The following WWP1 variants were observed in gnomAD, a reference collection of about 807,000 sequenced individuals.
The protein encoded by WWP1 is NEDD4-like E3 ubiquitin-protein ligase WWP1.
A neutral mutation model predicts 130.6 loss-of-function variants in WWP1; 49 were observed. The ratio of observed to expected loss-of-function variants is 0.38; its 90% confidence interval spans 0.30 to 0.48. The LOEUF (loss-of-function observed/expected upper bound fraction) is 0.48, where lower values mean the gene tolerates loss of function less well. Among genes scored for constraint, WWP1 ranks in the 20% least tolerant of loss-of-function variants. The probability of loss-of-function intolerance (pLI) is 0.99; values close to 1 mark genes in which losing one functional copy is unlikely to be tolerated. For synonymous variants in WWP1, 332 were observed against 367.8 expected (o/e 0.90, Z 1.11); for missense variants, 809 against 1,100.6 (o/e 0.74, Z 3.75).
At chr8:86,409,346 GC>G (rs1394185852) in intron 8 of WWP1, among the ~76,000 whole-genome samples, 1 of 143,636 alleles carries the variant, frequency 7.0e-6, no homozygotes, top group African/African-American at 2.6e-5. Context: ...CAATACTTCT[GC>G]CTCAGCCTCC....
At position 86,457,186 on chromosome 8, in the gene WWP1, T is replaced by A. The variant is rs535048375; in HGVS notation, c.2395-735T>A. On this transcript the variant is annotated intron_variant, in intron 21 of 24. Coordinates refer to ENST00000517970, the MANE Select transcript of WWP1 (RefSeq NM_007013.4). ...ACTAAGAGATTAAGTATTACATATTTTACTATACCTAAAATAATGTTCATT... is the reference window on the plus strand; with the variant it reads ...ACTAAGAGATTAAGTATTACATATTATACTATACCTAAAATAATGTTCATT... 7.6e-4 allele frequency among the ~76,000 whole-genome samples: 116 copies of A among 152,112 alleles called. 1 individual carries two copies. Among genetic ancestry groups the A allele is most frequent in the South Asian group, 2.7e-3 (13 of 4,826 alleles).
rs182026521 is a variant in WWP1, at chr8:86,344,059, G to A, written c.-115+1129G>A. 6.6e-4 allele frequency among the ~76,000 whole-genome samples: 100 copies of A among 152,120 alleles called. 1 individual carries two copies. The highest frequency in any genetic ancestry group is 2.3e-3 in the African/African-American group (97 of 41,492). ...ATACAAGCAAAATGCACCTTTTAAA[G>A]AAGAAAGTCGTTCTTTTATTGTGTG... On this transcript the variant is annotated intron_variant, in intron 1 of 24. Transcript: ENST00000517970.
At chr8:86,438,968 A>G (rs1810445929) in intron 17 of WWP1, among the ~76,000 whole-genome samples, 1 of 152,074 alleles carries the variant, frequency 6.6e-6, no homozygotes, top group Admixed American at 6.5e-5. Flanking sequence ...TTGTTTTTTT[A>G]TATAGTGTGG....
At chr8:86,423,760 G>C (rs1055188933) in intron 9 of WWP1, among the ~76,000 whole-genome samples, 1 of 151,304 alleles carries the variant, frequency 6.6e-6, no homozygotes, top group Non-Finnish European at 1.5e-5. Context: ...ACGGGGTGGC[G>C]GCCGGGCAGA....
intron 1 of WWP1, among the ~76,000 whole-genome samples, chr8:86,362,163 C>CAG (rs1356839834): frequency 6.8e-5 from 4 of 59,028 alleles, no homozygotes; most frequent in Non-Finnish European, 1.1e-4. Context: ...ATATACAAGG[C>CAG]ATATATATAT....
chr8:86,352,933 C>G (rs1823026546), intron 1 of WWP1, among the ~76,000 whole-genome samples: 1 of 152,168 alleles, frequency 6.6e-6, no homozygotes, highest in African/African-American at 2.4e-5. Flanking sequence ...GAAGCTAATT[C>G]TTTTTAAAAA....
At chr8:86,348,856 A>G (rs954652623) in intron 1 of WWP1, among the ~76,000 whole-genome samples, 1 of 152,064 alleles carries the variant, frequency 6.6e-6, no homozygotes, top group Non-Finnish European at 1.5e-5. Context: ...TAAAACAACC[A>G]TTTTCTTTGT....
intron 14 of WWP1, among the ~76,000 whole-genome samples, chr8:86,434,030 C>T (rs1810145684): frequency 6.6e-6 from 1 of 152,166 alleles, no homozygotes; most frequent in Non-Finnish European, 1.5e-5. Flanking sequence ...TAGAATCCAG[C>T]TATGCCTCAC....
In WWP1 at chr8:86,362,047, C is replaced by CACACATATATACACACATATATATAT. The variant is rs1308061075; in HGVS notation, c.-114-6867_-114-6866insTACACATATATACACACATATATATA. ...ATATATATACACACACATATATATA[C>CACACATATATACACACATATATATAT]ACACATATATACACACATATATATA... On this transcript the variant is annotated intron_variant, in intron 1 of 24. Transcript: ENST00000517970. 3.3e-4 allele frequency among the ~76,000 whole-genome samples: 30 copies of CACACATATATACACACATATATATAT among 90,920 alleles called. 1 individual carries two copies. The highest frequency in any genetic ancestry group is 5.9e-4 in the Admixed American group (6 of 10,156). The allele number at this position is 90,920 out of a possible 152,430, so 59.6% of individuals were successfully genotyped here.
At chr8:86,453,454 C>G (rs1440929830) in intron 21 of WWP1, among the ~76,000 whole-genome samples, 2 of 152,090 alleles carry the variant, frequency 1.3e-5, no homozygotes, top group Non-Finnish European at 2.9e-5. Flanking sequence ...CTTGAGGGAC[C>G]TTTGTGTGGC....
At chr8:86,408,294 T>A (rs1355726882) in intron 8 of WWP1, among the ~76,000 whole-genome samples, 1 of 152,202 alleles carries the variant, frequency 6.6e-6, no homozygotes, top group Admixed American at 6.5e-5. Flanking sequence ...TTTTTTACAA[T>A]TGTGAAAAAC....
At chr8:86,431,798 T>G in intron 14 of WWP1, 55 bp downstream of exon 14, 1 of 1,596,834 alleles carries the variant, frequency 6.3e-7, no homozygotes, top group East Asian at 2.2e-5. Flanking sequence ...CACATGAGAT[T>G]TAGTCTCTAA....
intron 20 of WWP1, among the ~76,000 whole-genome samples, chr8:86,449,202 A>G (rs1282925803): frequency 6.6e-6 from 1 of 152,100 alleles, no homozygotes; most frequent in African/African-American, 2.4e-5. Context: ...TTTTTCCAAG[A>G]TTTTATTTCA....
chr8:86,354,716 T>C (rs1823153872), intron 1 of WWP1, among the ~76,000 whole-genome samples: 1 of 152,178 alleles, frequency 6.6e-6, no homozygotes, highest in Non-Finnish European at 1.5e-5. Flanking sequence ...TTTCTAATCC[T>C]TACTGCAGGT....
chr8:86,452,482 A>ATT, intron 20 of WWP1, 77 bp from the exon 21 acceptor site: 1 of 1,256,070 alleles, frequency 8.0e-7, no homozygotes, highest in Non-Finnish European at 1.1e-6. Flanking sequence ...AGAAAGAACT[A>ATT]TAGAAGTTCT....
chr8:86,449,545 T>G (rs1811061401), intron 20 of WWP1, among the ~76,000 whole-genome samples: 1 of 152,226 alleles, frequency 6.6e-6, no homozygotes, highest in Non-Finnish European at 1.5e-5. Context: ...ATGTAAAAAC[T>G]ATTCTTAGCT....
chr8:86,414,552 A>G (rs1808774163), intron 9 of WWP1, among the ~76,000 whole-genome samples: 1 of 152,190 alleles, frequency 6.6e-6, no homozygotes, highest in Non-Finnish European at 1.5e-5. Context: ...TCAACTCCAC[A>G]TCATCTTCCC....
chr8:86,420,524 G>C (rs1047604094), intron 9 of WWP1, among the ~76,000 whole-genome samples: 1 of 152,160 alleles, frequency 6.6e-6, no homozygotes, highest in Non-Finnish European at 1.5e-5. Context: ...AGATGTGTAT[G>C]TGTGCAGGAA....
chr8:86,461,108 C>A, intron 22 of WWP1, 116 bp from the exon 23 acceptor site: 1 of 987,274 alleles, frequency 1.0e-6, no homozygotes, highest in Non-Finnish European at 1.5e-6. Context: ...CACGCCCAAC[C>A]TTTAGCACAT....
Sources: allele counts gnomAD v4.1 joint callset (sites outside exome capture counted in the v4.1 genomes callset), GRCh38; gene constraint gnomAD v4.1.1; transcripts MANE v1.5; gene names NCBI Gene and HGNC (gene_info 2026-07-23, HGNC 2026-07-21).